Variants in MEOX2 observed in about 807,000 individuals in gnomAD.
The protein encoded by MEOX2 is homeobox protein MOX-2.
In MEOX2, 11 loss-of-function variants were observed where a neutral mutation model predicts 27.0. That is an observed-to-expected ratio of 0.41 (90% CI 0.26 to 0.68). The LOEUF is 0.68. Ranked by LOEUF, MEOX2 falls within the 30% of genes least tolerant of loss-of-function variation. The pLI is 0.33. For synonymous variants in MEOX2, 189 were observed against 155.4 expected (o/e 1.22, Z -1.61); for missense variants, 436 against 385.4 (o/e 1.13, Z -1.10).
intron 1 of MEOX2, among the ~76,000 whole-genome samples, chr7:15,672,659 A>C (rs937370859): frequency 1.3e-5 from 2 of 152,242 alleles, no homozygotes; most frequent in South Asian, 4.1e-4. Flanking sequence ...TTGGGAGGCC[A>C]AGGTGGGCGG....
chr7:15,628,422 C>T (rs1012621249), intron 1 of MEOX2, among the ~76,000 whole-genome samples: 9 of 152,130 alleles, frequency 5.9e-5, no homozygotes, highest in African/African-American at 1.7e-4. Flanking sequence ...CTGACCATTA[C>T]TTATCCTCTG....
chr7:15,676,851 C>T (rs1285131341), intron 1 of MEOX2, among the ~76,000 whole-genome samples: 1 of 148,648 alleles, frequency 6.7e-6, no homozygotes, highest in Non-Finnish European at 1.5e-5. Flanking sequence ...GAACAAAACT[C>T]GGTCTCAAAA....
chr7:15,685,359 A>T (rs1389331691), intron 1 of MEOX2, among the ~76,000 whole-genome samples: 1 of 152,208 alleles, frequency 6.6e-6, no homozygotes, highest in Non-Finnish European at 1.5e-5. Context: ...ATGTTAAAAA[A>T]AAAAAACTGA....
intron 1 of MEOX2, among the ~76,000 whole-genome samples, chr7:15,629,369 G>A (rs1162927419): frequency 6.6e-6 from 1 of 151,962 alleles, no homozygotes; most frequent in South Asian, 2.1e-4. Context: ...CCAGTGACTG[G>A]ATTTAAGCTA....
chr7:15,673,804 T>C lies in MEOX2; in HGVS notation c.517+12082A>G, dbSNP rs544463635. 6.8e-4 allele frequency among the ~76,000 whole-genome samples: 104 copies of C among 152,210 alleles called. 1 individual carries two copies. The Middle Eastern group carries it at 0.01, about 15-fold the overall frequency. On this transcript the variant is annotated intron_variant, in intron 1 of 2. Transcript: ENST00000262041. Reference sequence around the variant, plus strand: ...TGGGGATTCTTGACTAACTAAGAGATGTGGAAAATCCTGTAGAAAACTTGA... The same window carrying C: ...TGGGGATTCTTGACTAACTAAGAGACGTGGAAAATCCTGTAGAAAACTTGA...
chr7:15,619,369 A>T (rs7458404), intron 2 of MEOX2, among the ~76,000 whole-genome samples: 102,182 of 151,836 alleles, frequency 0.67, 34,616 homozygotes, highest in East Asian at 0.81. Context: ...GTAATGTATG[A>T]TATGTTCCCT....
At position 15,685,919 on chromosome 7, in the gene MEOX2, G is replaced by T. The variant is rs752755220; in HGVS notation, c.484C>A (p.Arg162=). Residue 162 remains arginine, a synonymous_variant, in exon 1 of 3, where the codon CGA becomes AGA. Coordinates refer to ENST00000262041, the MANE Select transcript of MEOX2 (RefSeq NM_005924.5). ...TCGCTTTTCCTCTTGCCGCCGCTTC[G>T]CTTCTCCGCCTCCGCAGGTGACAGT... is the stretch of plus-strand genomic sequence containing the variant. ...QALSPAEAEK[R]SGGKRKSDSS... 2.7e-5 allele frequency: 43 copies of T among 1,608,322 alleles called. No homozygotes were observed. Among genetic ancestry groups the T allele is most frequent in the Non-Finnish European group, 3.0e-5 (35 of 1,177,778 alleles).
intron 2 of MEOX2, among the ~76,000 whole-genome samples, chr7:15,619,627 C>T (rs1383102485): frequency 6.6e-6 from 1 of 151,880 alleles, no homozygotes; most frequent in African/African-American, 2.4e-5. Flanking sequence ...CACATACACA[C>T]ATATACACAG....
At chr7:15,616,354 A>G in intron 2 of MEOX2, among the ~76,000 whole-genome samples, 1 of 151,978 alleles carries the variant, frequency 6.6e-6, no homozygotes, top group East Asian at 1.9e-4. Context: ...ATTTTCAAAT[A>G]TACTATAAAA....
At position 15,621,363 on chromosome 7, in the gene MEOX2, G is replaced by C. The variant is rs145025276; in HGVS notation, c.690+5383C>G. Among the ~76,000 whole-genome samples, 233 of 152,188 alleles carry C rather than the reference G, an allele frequency of 1.5e-3. 2 individuals are homozygous for C. Among genetic ancestry groups the C allele is most frequent in the African/African-American group, 5.2e-3 (217 of 41,508 alleles). ...CATAAAATGATTTTCTTTAACACTT[G>C]TGTGCTAACATGGAATTACTTTGCA... On this transcript the variant is annotated intron_variant, in intron 2 of 2. Coordinates refer to ENST00000262041, the MANE Select transcript of MEOX2 (RefSeq NM_005924.5).
intron 1 of MEOX2, among the ~76,000 whole-genome samples, chr7:15,659,004 T>A (rs1239213256): frequency 6.6e-6 from 1 of 152,140 alleles, no homozygotes; most frequent in South Asian, 2.1e-4. Context: ...AATGAGCCAG[T>A]ACTTTCTTTT....
intron 2 of MEOX2, among the ~76,000 whole-genome samples, chr7:15,623,689 A>G (rs914777415): frequency 1.3e-5 from 2 of 152,144 alleles, no homozygotes; most frequent in African/African-American, 4.8e-5. Flanking sequence ...TTAATTTAAG[A>G]TATTTTGTGC....
intron 1 of MEOX2, among the ~76,000 whole-genome samples, chr7:15,641,897 ATTT>A (rs1781567221): frequency 6.6e-6 from 1 of 152,024 alleles, no homozygotes; most frequent in African/African-American, 2.4e-5. Flanking sequence ...AGGATACAAA[ATTT>A]TTTGTTGCCA....
chr7:15,635,475 C>T (rs1168325840), intron 1 of MEOX2, among the ~76,000 whole-genome samples: 2 of 151,930 alleles, frequency 1.3e-5, no homozygotes, highest in Non-Finnish European at 2.9e-5. Context: ...CTATTGTCTC[C>T]CCTGTGCTCA....
chr7:15,647,247 C>T (rs908537170), intron 1 of MEOX2, among the ~76,000 whole-genome samples: 2 of 152,024 alleles, frequency 1.3e-5, no homozygotes, highest in African/African-American at 4.8e-5. Flanking sequence ...GATACTCAAA[C>T]ATACATAAAA....
chr7:15,636,085 C>T (rs995129853), intron 1 of MEOX2, among the ~76,000 whole-genome samples: 11 of 151,724 alleles, frequency 7.3e-5, no homozygotes, highest in Non-Finnish European at 2.9e-5. Flanking sequence ...TCACATTCTG[C>T]CTAGTGGTTA....
intron 1 of MEOX2, among the ~76,000 whole-genome samples, chr7:15,627,314 G>T (rs1781327855): frequency 1.3e-5 from 2 of 152,004 alleles, no homozygotes; most frequent in Admixed American, 1.3e-4. Flanking sequence ...CCTTTAAAAA[G>T]TGGCATCTCA....
intron 1 of MEOX2, among the ~76,000 whole-genome samples, chr7:15,627,878 C>T (rs1781341273): frequency 6.7e-6 from 1 of 149,136 alleles, no homozygotes; most frequent in South Asian, 2.1e-4. Context: ...GCAAATTTAT[C>T]CTCAGTGAAA....
chr7:15,619,233 G>GA, intron 2 of MEOX2, among the ~76,000 whole-genome samples: 1 of 151,926 alleles, frequency 6.6e-6, no homozygotes. Context: ...CTCAGTTTTA[G>GA]AATTTTTTTT....
Sources: gnomAD v4.1 joint callset for allele counts (sites outside exome capture counted in the v4.1 genomes callset) on GRCh38, gnomAD v4.1.1 for gene constraint, MANE v1.5 for transcripts, NCBI Gene and HGNC (gene_info 2026-07-23, HGNC 2026-07-21) for gene names.